The following NVL variants were observed in gnomAD, a reference collection of about 807,000 sequenced individuals.
The protein encoded by NVL is nuclear VCP like.
Under a neutral mutation model 110.2 loss-of-function variants are expected in NVL, and 84 were observed. That is an observed-to-expected ratio of 0.76 (90% CI 0.64 to 0.91). The LOEUF is 0.91. NVL is among the 40% of genes least tolerant of loss of function. The probability of loss-of-function intolerance (pLI) is 0.00; values close to 1 mark genes in which losing one functional copy is unlikely to be tolerated. For missense variants in NVL, 882 were observed against 1,035.9 expected (o/e 0.85, Z 2.04); for synonymous variants, 354 against 361.1 (o/e 0.98, Z 0.22).
intron 22 of NVL, among the ~76,000 whole-genome samples, chr1:224,229,862 C>T (rs773955372): frequency 4.6e-5 from 7 of 152,060 alleles, no homozygotes; most frequent in Non-Finnish European, 7.4e-5. Context: ...GACAAGGTTT[C>T]GTTCTGTAAC....
At chr1:224,239,050 T>C (rs189066505) in intron 19 of NVL, among the ~76,000 whole-genome samples, 24 of 152,326 alleles carry the variant, frequency 1.6e-4, no homozygotes, top group South Asian at 4.1e-4. Flanking sequence ...GAATTAGACT[T>C]GGAGTGTTCT....
At chr1:224,293,664 GC>G (rs1462565206) in intron 12 of NVL, among the ~76,000 whole-genome samples, 1 of 152,196 alleles carries the variant, frequency 6.6e-6, no homozygotes, top group Non-Finnish European at 1.5e-5. Context: ...GTATGCCATA[GC>G]TCCAGACATT....
chr1:224,313,158 CAAAAA>C (rs760756328), intron 4 of NVL: 466 of 78,444 alleles, frequency 5.9e-3, no homozygotes, highest in South Asian at 0.017. Context: ...GACGCTGTCT[CAAAAA>C]AAAAAAAAAA....
chr1:224,269,692 T>C (rs1321556814), intron 17 of NVL: 2 of 152,064 alleles, frequency 1.3e-5, no homozygotes, highest in African/African-American at 4.8e-5. Context: ...TTGCTTTTCT[T>C]CACCATAAAT....
chr1:224,273,014 A>G (rs1665308617), intron 17 of NVL, among the ~76,000 whole-genome samples: 1 of 144,430 alleles, frequency 6.9e-6, no homozygotes, highest in African/African-American at 2.6e-5. Context: ...AGCCTGGGCG[A>G]CAGAGCGAGA....
At chr1:224,272,078 G>A (rs1665173908) in intron 17 of NVL, among the ~76,000 whole-genome samples, 1 of 151,906 alleles carries the variant, frequency 6.6e-6, no homozygotes, top group South Asian at 2.1e-4. Flanking sequence ...GCTCATGCCT[G>A]TAATCCTAGC....
chr1:224,264,095 T>C (rs1353719248), intron 18 of NVL, among the ~76,000 whole-genome samples: 4 of 152,086 alleles, frequency 2.6e-5, no homozygotes. Flanking sequence ...CCAAGGATTG[T>C]GAAGACATTG....
chr1:224,274,143 T>C (rs1462585907), intron 17 of NVL, among the ~76,000 whole-genome samples: 1 of 151,566 alleles, frequency 6.6e-6, no homozygotes, highest in Non-Finnish European at 1.5e-5. Context: ...CTACAAAAAT[T>C]AGCCAGGTGC....
intron 18 of NVL, among the ~76,000 whole-genome samples, chr1:224,258,720 G>A (rs1663580633): frequency 6.6e-6 from 1 of 152,086 alleles, no homozygotes; most frequent in Non-Finnish European, 1.5e-5. Context: ...AAAAAGGAAT[G>A]GAGTATTGAT....
chr1:224,303,379 A>G (rs1330037596), intron 9 of NVL, among the ~76,000 whole-genome samples: 2 of 151,642 alleles, frequency 1.3e-5, no homozygotes, highest in African/African-American at 4.8e-5. Flanking sequence ...AGGTTGCAGT[A>G]AGCCAAGATC....
intron 15 of NVL, among the ~76,000 whole-genome samples, chr1:224,284,416 C>G (rs533320306): frequency 6.6e-6 from 1 of 151,766 alleles, no homozygotes; most frequent in African/African-American, 2.4e-5. Context: ...TACTCTGTTG[C>G]CTAAGCTGGC....
At chr1:224,305,191 T>A in intron 6 of NVL, 25 bp from the exon 7 acceptor site, 1 of 1,586,562 alleles carries the variant, frequency 6.3e-7, no homozygotes, top group East Asian at 2.2e-5. Flanking sequence ...AATTTAAATA[T>A]GCCATGCTTA....
chr1:224,318,755 G>A (rs1011668054), intron 2 of NVL, among the ~76,000 whole-genome samples: 9 of 151,740 alleles, frequency 5.9e-5, no homozygotes, highest in African/African-American at 2.2e-4. Context: ...AGGCTGAGGT[G>A]GGAGGATCAT....
At position 224,262,406 on chromosome 1, in the gene NVL, C is replaced by G. The variant is rs1392277297; in HGVS notation, c.2182+5628G>C. Among the ~76,000 whole-genome samples, 3 of 151,924 alleles carry G rather than the reference C, an allele frequency of 2.0e-5. No individual in the cohort carries two copies. The East Asian group carries it at 5.8e-4, about 29-fold the overall frequency. On this transcript the variant is annotated intron_variant, in intron 18 of 22. Coordinates refer to ENST00000281701, the MANE Select transcript of NVL (RefSeq NM_002533.4). ...CATTTGGAAAAACAAATCAAATATACAAGCAGTCAAAAAAATCTACTTCCT... is the reference window on the plus strand; with the variant it reads ...CATTTGGAAAAACAAATCAAATATAGAAGCAGTCAAAAAAATCTACTTCCT...
At chr1:224,246,301 A>G (rs1279076219) in intron 19 of NVL, among the ~76,000 whole-genome samples, 2 of 152,226 alleles carry the variant, frequency 1.3e-5, no homozygotes, top group Non-Finnish European at 2.9e-5. Context: ...AAGTGCTGGG[A>G]TTATAGGCAT....
chr1:224,253,200 G>GC (rs1252992049), intron 18 of NVL, among the ~76,000 whole-genome samples: 1 of 151,372 alleles, frequency 6.6e-6, no homozygotes, highest in Non-Finnish European at 1.5e-5. Flanking sequence ...GTGCCCCCCT[G>GC]CCCCCCACGC....
At chr1:224,309,460 A>T (rs1321689472) in intron 5 of NVL, among the ~76,000 whole-genome samples, 2 of 152,066 alleles carry the variant, frequency 1.3e-5, no homozygotes, top group African/African-American at 2.4e-5. Context: ...TTGAGGTTGC[A>T]GTGAGCTAGG....
intron 21 of NVL, 23 bp downstream of exon 21, chr1:224,233,178 A>G: frequency 6.3e-7 from 1 of 1,587,472 alleles, no homozygotes; most frequent in East Asian, 2.2e-5. Flanking sequence ...ATTAGAATTG[A>G]GAGATTCTGG....
chr1:224,250,170 C>G (rs1171190960), intron 19 of NVL, 42 bp downstream of exon 19: 1 of 1,585,484 alleles, frequency 6.3e-7, no homozygotes, highest in Admixed American at 1.8e-5. Flanking sequence ...CTATTTAAAA[C>G]AAGAGAAACA....
Sources: gnomAD v4.1 joint callset for allele counts (sites outside exome capture counted in the v4.1 genomes callset) on GRCh38, gnomAD v4.1.1 for gene constraint, MANE v1.5 for transcripts, NCBI Gene and HGNC (gene_info 2026-07-23, HGNC 2026-07-21) for gene names.